Variants in PHRF1 observed in about 807,000 individuals in gnomAD.
The protein encoded by PHRF1 is PHD and ring finger domains 1.
Under a neutral mutation model 128.9 loss-of-function variants are expected in PHRF1, and 53 were observed. That is an observed-to-expected ratio of 0.41 (90% confidence interval 0.33 to 0.52). PHRF1 has a LOEUF of 0.52. Among genes scored for constraint, PHRF1 ranks in the 20% least tolerant of loss-of-function variants. The probability of loss-of-function intolerance (pLI) is 0.21; values close to 1 mark genes in which losing one functional copy is unlikely to be tolerated. For synonymous variants in PHRF1, 1,178 were observed against 980.6 expected (o/e 1.20, Z -3.76); for missense variants, 2,503 against 2,284.5 (o/e 1.10, Z -1.95).
chr11:605,504 T>C, intron 11 of PHRF1, 101 bp from the exon 12 acceptor site: 1 of 1,536,254 alleles, frequency 6.5e-7, no homozygotes, highest in Non-Finnish European at 8.8e-7. Context: ...TGCCGCCACA[T>C]GGCCAGTGCT....
Position 600,512 on chromosome 11 carries a change from A to ATATATATATATATATG in PHRF1, c.1025-1055_1025-1054insATATATATGTATATAT, listed in dbSNP as rs1437772767. Among the ~76,000 whole-genome samples, 321 of 144,482 alleles carry ATATATATATATATATG rather than the reference A, an allele frequency of 2.2e-3. 1 individual carries two copies. The highest frequency in any genetic ancestry group is 7.9e-3 in the African/African-American group (300 of 38,036). 94.8% of individuals were successfully genotyped at this position (144,482 alleles called of 152,430 possible). ...TCCAAAAATATATATATATATATAT[A>ATATATATATATATATG]TATATATGGTTTATTTCTCCGTTTA... On this transcript the variant is annotated intron_variant, in intron 9 of 17. Transcript: ENST00000264555.
chr11:591,596 C>A (rs2132941520), intron 5 of PHRF1, 129 bp downstream of exon 5: 1 of 787,212 alleles, frequency 1.3e-6, no homozygotes, highest in Non-Finnish European at 1.9e-6. Context: ...TAGAAATCAA[C>A]TCAAGTGCCC....
At chr11:578,517 C>T (rs1340802335) in intron 1 of PHRF1, among the ~76,000 whole-genome samples, 2 of 152,232 alleles carry the variant, frequency 1.3e-5, no homozygotes, top group Non-Finnish European at 2.9e-5. Context: ...TCACTGATCT[C>T]TTCTGGCAGC....
At position 598,402 on chromosome 11, in the gene PHRF1, G is replaced by A; in HGVS notation, c.924G>A (p.Leu308=). Residue 308 remains leucine, a synonymous_variant, in exon 9 of 18, where the codon CTG becomes CTA. Coordinates refer to ENST00000264555, the MANE Select transcript of PHRF1 (RefSeq NM_001286581.2). ...CACCAGGGCGCCTCGGGTCTTCCCTGCTGGATGAAGCCATCGAGGCTGTGG... is the reference window on the plus strand; with the variant it reads ...CACCAGGGCGCCTCGGGTCTTCCCTACTGGATGAAGCCATCGAGGCTGTGG... ...QHTPGRLGSS[L]LDEAIEAVAT... 1 of 1,610,828 alleles carries A rather than the reference G, an allele frequency of 6.2e-7. No individual in the cohort carries two copies. Among genetic ancestry groups the A allele is most frequent in the South Asian group, 1.1e-5 (1 of 91,076 alleles).
chr11:598,657 G>T (rs1855447899), intron 9 of PHRF1, among the ~76,000 whole-genome samples, 155 bp downstream of exon 9: 1 of 152,214 alleles, frequency 6.6e-6, no homozygotes, highest in South Asian at 2.1e-4. Flanking sequence ...GCCGCGCCGG[G>T]CCCGGGAGGT....
At chr11:604,152 G>A (rs1251479797) in intron 10 of PHRF1, among the ~76,000 whole-genome samples, 1 of 152,230 alleles carries the variant, frequency 6.6e-6, no homozygotes, top group Non-Finnish European at 1.5e-5. Context: ...CTCTCCCTTT[G>A]CTTTGCGGGG....
intron 10 of PHRF1, among the ~76,000 whole-genome samples, chr11:602,961 C>T (rs950431354): frequency 1.3e-5 from 2 of 151,962 alleles, no homozygotes; most frequent in Admixed American, 6.6e-5. Context: ...TAGGGTTTCA[C>T]CATGTTGATC....
rs1468263975 is a variant in PHRF1 at position 608,901 on chromosome 11, AAGG to A, written c.3448_3450del (p.Glu1150del). On this transcript the variant is annotated inframe_deletion, in exon 14 of 18. Transcript: ENST00000264555. ...ACGCAGCCACGAGCGGCCAGACAGG[AAGG>A]AGAGTGTGGCGTGGCCCCGAGACCG... The A allele has an allele frequency of 6.2e-7, 1 of 1,612,086 alleles. No homozygotes were observed. The highest frequency in any genetic ancestry group is 1.1e-5 in the South Asian group (1 of 91,056).
intron 12 of PHRF1, among the ~76,000 whole-genome samples, 168 bp downstream of exon 12, chr11:605,892 C>T (rs945066726): frequency 6.6e-6 from 1 of 152,232 alleles, no homozygotes; most frequent in Admixed American, 6.5e-5. Context: ...GGCAGTGCTG[C>T]AGCCCATCCT....
chr11:577,006 A>AT (rs1853897064), intron 1 of PHRF1, among the ~76,000 whole-genome samples: 1 of 152,068 alleles, frequency 6.6e-6, no homozygotes, highest in Non-Finnish European at 1.5e-5. Flanking sequence ...ACCCACGCCC[A>AT]TGCCCCCTGC....
At chr11:588,711 C>T (rs540834873) in intron 4 of PHRF1, among the ~76,000 whole-genome samples, 6 of 151,680 alleles carry the variant, frequency 4.0e-5, no homozygotes, top group Non-Finnish European at 8.8e-5. Flanking sequence ...GTAGATTTTT[C>T]TTTTGGCAAG....
intron 8 of PHRF1, 127 bp from the exon 9 acceptor site, chr11:598,246 G>T: frequency 7.6e-7 from 1 of 1,309,556 alleles, no homozygotes; most frequent in Non-Finnish European, 1.0e-6. Context: ...TGCTGCAGTG[G>T]CGGGTGGGGA....
chr11:598,585 G>A, intron 9 of PHRF1, 83 bp downstream of exon 9: 1 of 1,483,792 alleles, frequency 6.7e-7, no homozygotes. Context: ...CCTCAAGGCT[G>A]TGGGCATTTC....
At chr11:580,271 C>T (rs775091420) in intron 1 of PHRF1, among the ~76,000 whole-genome samples, 5 of 152,218 alleles carry the variant, frequency 3.3e-5, no homozygotes, top group Non-Finnish European at 4.4e-5. Flanking sequence ...CCTTTCTTAT[C>T]TGGGACCAAA....
chr11:601,654 A>G lies in PHRF1; in HGVS notation c.1105A>G (p.Lys369Glu), dbSNP rs200880236. 8.7e-6 allele frequency: 14 copies of G among 1,613,740 alleles called. No homozygotes were observed. Among genetic ancestry groups the G allele is most frequent in the African/African-American group, 1.3e-5 (1 of 74,914 alleles). The change falls in exon 10 of 18, where the codon AAG becomes GAG. Residue 369 changes from lysine to glutamate, a missense_variant. Coordinates refer to ENST00000264555, the MANE Select transcript of PHRF1 (RefSeq NM_001286581.2). Reference protein sequence around the residue: ...AKSKSSATRSKKRQHRVKKRR... With the variant: ...AKSKSSATRSEKRQHRVKKRR... The stretch of plus-strand genomic sequence containing the variant: ...AAGTAAGAGCTCAGCGACAAGATCT[A>G]AGAAACGCCAACATCGAGTGAAGAA...
intron 15 of PHRF1, 30 bp downstream of exon 15, chr11:610,377 C>CGTGGGCA: frequency 6.5e-7 from 1 of 1,541,056 alleles, no homozygotes; most frequent in Non-Finnish European, 8.8e-7. Context: ...GGCTGTGGGC[C>CGTGGGCA]GTGGGCAGTG....
At chr11:593,665 C>T (rs993663312) in intron 6 of PHRF1, among the ~76,000 whole-genome samples, 1 of 152,196 alleles carries the variant, frequency 6.6e-6, no homozygotes, top group Non-Finnish European at 1.5e-5. Context: ...GTCCTGCAGG[C>T]GGCCACCACG....
intron 3 of PHRF1, among the ~76,000 whole-genome samples, chr11:586,050 G>A (rs186754253): frequency 0.015 from 2,321 of 152,018 alleles, 61 homozygotes; most frequent in African/African-American, 0.053. Context: ...TTGTAGAGAC[G>A]GGGTTTCACC....
At chr11:599,235 TC>T (rs1002233795) in intron 9 of PHRF1, among the ~76,000 whole-genome samples, 4 of 150,030 alleles carry the variant, frequency 2.7e-5, no homozygotes, top group Admixed American at 6.6e-5. Flanking sequence ...GCATACTTTT[TC>T]TTTTTTTTTT....
Sources: gnomAD v4.1 joint callset for allele counts (sites outside exome capture counted in the v4.1 genomes callset) on GRCh38, gnomAD v4.1.1 for gene constraint, MANE v1.5 for transcripts, NCBI Gene and HGNC (gene_info 2026-07-23, HGNC 2026-07-21) for gene names.